The following PRUNE2 variants were observed in gnomAD, a reference collection of about 807,000 sequenced individuals.
The protein encoded by PRUNE2 is prune homolog 2 with BCH domain.
PRUNE2 carries 164 observed loss-of-function variants against 252.0 expected under a neutral mutation model. The observed-to-expected ratio is 0.65, with a 90% CI of 0.57 to 0.74. The LOEUF is 0.74. Ranked by LOEUF, PRUNE2 falls within the 30% of genes least tolerant of loss-of-function variation. The pLI, the probability that PRUNE2 is intolerant of heterozygous loss-of-function variation, is 0.00. For missense variants in PRUNE2, 3,495 were observed against 3,711.0 expected (o/e 0.94, Z 1.51); for synonymous variants, 1,292 against 1,350.2 (o/e 0.96, Z 0.94).
At chr9:76,870,512 C>T (rs1047411576) in intron 1 of PRUNE2, among the ~76,000 whole-genome samples, 31 of 151,756 alleles carry the variant, frequency 2.0e-4, no homozygotes, top group Non-Finnish European at 3.8e-4. Context: ...GGTGAAACCC[C>T]GTCTCTACTA....
At chr9:76,819,782 G>A (rs2057928306) in intron 6 of PRUNE2, among the ~76,000 whole-genome samples, 1 of 152,168 alleles carries the variant, frequency 6.6e-6, no homozygotes, top group Admixed American at 6.6e-5. Flanking sequence ...AACCATTAAT[G>A]TACTGCCGTG....
At chr9:76,859,327 C>T (rs2060429294) in intron 1 of PRUNE2, among the ~76,000 whole-genome samples, 1 of 152,118 alleles carries the variant, frequency 6.6e-6, no homozygotes, top group African/African-American at 2.4e-5. Flanking sequence ...AAAATGCCTA[C>T]ATATTCAGAT....
chr9:76,772,348 T>A (rs966720348), intron 6 of PRUNE2, among the ~76,000 whole-genome samples: 3 of 152,152 alleles, frequency 2.0e-5, no homozygotes, highest in South Asian at 2.1e-4. Context: ...AATTTTTTTT[T>A]TAAATGGCAA....
At chr9:76,704,379 C>T (rs1339495680) in intron 8 of PRUNE2, among the ~76,000 whole-genome samples, 3 of 152,022 alleles carry the variant, frequency 2.0e-5, no homozygotes, top group African/African-American at 4.8e-5. Context: ...CACCTGCCCC[C>T]ACGCCCAGCT....
Position 76,709,404 on chromosome 9 carries a change from T to C in PRUNE2, c.2870A>G (p.Asp957Gly). Residue 957 changes from aspartate to glycine, a missense_variant, in exon 8 of 19, where the codon GAT (aspartate) becomes GGT (glycine). Coordinates refer to ENST00000376718, the MANE Select transcript of PRUNE2 (RefSeq NM_015225.3). ...GGTATCTAAGGGGGAAGGCACCGAATCTTCTCCTAGGTTGGATGCACTGTA... is the reference window on the plus strand; with the variant it reads ...GGTATCTAAGGGGGAAGGCACCGAACCTTCTCCTAGGTTGGATGCACTGTA... ...SDYSASNLGE[D>G]SVPSPLDTNY... is the part of the protein sequence containing the mutation. The C allele has an allele frequency of 1.2e-6, 2 of 1,614,018 alleles. No individual in the cohort carries two copies. Among genetic ancestry groups the C allele is most frequent in the African/African-American group, 1.3e-5 (1 of 75,038 alleles).
intron 6 of PRUNE2, among the ~76,000 whole-genome samples, chr9:76,749,308 G>C (rs1326212488): frequency 6.6e-6 from 1 of 152,192 alleles, no homozygotes; most frequent in East Asian, 1.9e-4. Flanking sequence ...AAGGGTCCTG[G>C]AGAAAGTCAG....
chr9:76,698,971 G>A (rs1207491381), intron 9 of PRUNE2, among the ~76,000 whole-genome samples: 4 of 152,100 alleles, frequency 2.6e-5, no homozygotes, highest in Non-Finnish European at 4.4e-5. Flanking sequence ...TGAGGGTCAG[G>A]TGATGTCTCA....
chr9:76,680,189 C>T (rs1564018182), intron 9 of PRUNE2, among the ~76,000 whole-genome samples: 1 of 151,870 alleles, frequency 6.6e-6, no homozygotes, highest in Non-Finnish European at 1.5e-5. Context: ...AAAAAATGGG[C>T]AAAAGAAATG....
At chr9:76,663,095 G>A (rs983893755) in intron 9 of PRUNE2, among the ~76,000 whole-genome samples, 2 of 152,204 alleles carry the variant, frequency 1.3e-5, no homozygotes, top group African/African-American at 4.8e-5. Flanking sequence ...GTGAACCACA[G>A]AGTACTTATC....
At chr9:76,659,817 C>A (rs116548633) in intron 9 of PRUNE2, among the ~76,000 whole-genome samples, 3,943 of 151,070 alleles carry the variant, frequency 0.026, 194 homozygotes, top group African/African-American at 0.09. Flanking sequence ...TTAAATCACT[C>A]ACGTAAAATA....
At chr9:76,616,602 C>T (rs1278148536) in intron 18 of PRUNE2, among the ~76,000 whole-genome samples, 1 of 152,134 alleles carries the variant, frequency 6.6e-6, no homozygotes, top group Non-Finnish European at 1.5e-5. Context: ...TTTTGTAAAT[C>T]TTCTAGGATT....
chr9:76,792,166 G>A (rs1234703556), intron 6 of PRUNE2, among the ~76,000 whole-genome samples: 1 of 152,036 alleles, frequency 6.6e-6, no homozygotes, highest in African/African-American at 2.4e-5. Context: ...GGGGCCTGGT[G>A]GGAGGTAATT....
intron 1 of PRUNE2, among the ~76,000 whole-genome samples, chr9:76,860,497 T>C (rs998827756): frequency 2.0e-5 from 3 of 152,202 alleles, no homozygotes; most frequent in African/African-American, 4.8e-5. Flanking sequence ...ATGGAGTCAG[T>C]TGGCAGATTT....
intron 9 of PRUNE2, among the ~76,000 whole-genome samples, chr9:76,676,037 C>T (rs1325046186): frequency 6.8e-6 from 1 of 146,516 alleles, no homozygotes; most frequent in African/African-American, 2.5e-5. Context: ...GCACAATGTG[C>T]ACATGTACCC....
In PRUNE2 at chr9:76,690,348, CAG is replaced by C. The variant is rs143627392; in HGVS notation, c.8276+12987_8276+12988del. ...CCTGCAAAATCTTGACAATAGCAAA[CAG>C]AGGGCAAGCAATTCCAGGCTAGTTA... On this transcript the variant is annotated intron_variant, in intron 9 of 18. Transcript: ENST00000376718. Among the ~76,000 whole-genome samples the C allele has an allele frequency of 3.3e-3, 509 of 152,288 alleles. 3 individuals are homozygous for C. Among genetic ancestry groups the C allele is most frequent in the African/African-American group, 0.012 (487 of 41,562 alleles).
chr9:76,757,638 T>C (rs12336582), intron 6 of PRUNE2, among the ~76,000 whole-genome samples: 1,863 of 152,240 alleles, frequency 0.012, 34 homozygotes, highest in African/African-American at 0.042. Flanking sequence ...TTAATGAAGC[T>C]CAAAGCTTTG....
chr9:76,787,955 C>G (rs1269615391), intron 6 of PRUNE2, among the ~76,000 whole-genome samples: 1 of 152,220 alleles, frequency 6.6e-6, no homozygotes. Context: ...AGCGTTCCTT[C>G]CCACACATGG....
chr9:76,766,932 C>T (rs2052463901), intron 6 of PRUNE2, among the ~76,000 whole-genome samples: 1 of 152,094 alleles, frequency 6.6e-6, no homozygotes, highest in Non-Finnish European at 1.5e-5. Context: ...TTCAAAATGA[C>T]CATTTTCCTT....
chr9:76,649,788 T>C (rs1846622951), intron 11 of PRUNE2, among the ~76,000 whole-genome samples: 2 of 152,094 alleles, frequency 1.3e-5, no homozygotes, highest in Admixed American at 6.6e-5. Flanking sequence ...GAAGACCAAT[T>C]GAATATATTT....
Sources: gnomAD v4.1 joint callset for allele counts (sites outside exome capture counted in the v4.1 genomes callset) on GRCh38, gnomAD v4.1.1 for gene constraint, MANE v1.5 for transcripts, NCBI Gene and HGNC (gene_info 2026-07-23, HGNC 2026-07-21) for gene names.